Variants in CRTC3 observed in about 807,000 individuals in gnomAD.
CRTC3 encodes CREB regulated transcription coactivator 3, also known as CREB-regulated transcription coactivator 3.
A neutral mutation model predicts 74.5 loss-of-function variants in CRTC3; 26 were observed. The observed-to-expected ratio is 0.35, with a 90% CI of 0.26 to 0.48. CRTC3 has a LOEUF of 0.48. Among genes scored for constraint, CRTC3 ranks in the 20% least tolerant of loss-of-function variants. The probability of loss-of-function intolerance (pLI) is 0.99; values close to 1 mark genes in which losing one functional copy is unlikely to be tolerated. For synonymous variants in CRTC3, 377 were observed against 325.8 expected, an observed-to-expected ratio of 1.16 and a Z score of -1.69; for missense variants, 760 against 787.3, an observed-to-expected ratio of 0.97 and a Z score of 0.41.
intron 14 of CRTC3, among the ~76,000 whole-genome samples, chr15:90,641,473 G>A (rs1291063980): frequency 2.6e-5 from 4 of 151,936 alleles, no homozygotes; most frequent in South Asian, 2.1e-4. Context: ...CGAGGTGGGC[G>A]GATCATCAGG....
intron 2 of CRTC3, among the ~76,000 whole-genome samples, chr15:90,547,213 C>T (rs1290381861): frequency 1.3e-5 from 2 of 152,162 alleles, no homozygotes; most frequent in East Asian, 3.8e-4. Context: ...TATGCATCCT[C>T]TCACATCATT....
At chr15:90,608,803 G>A (rs1454584082) in intron 6 of CRTC3, among the ~76,000 whole-genome samples, 5 of 152,198 alleles carry the variant, frequency 3.3e-5, no homozygotes, top group Non-Finnish European at 5.9e-5. Context: ...ACACCCTCTC[G>A]GTGCTGGCAC....
At chr15:90,635,076 T>A in intron 11 of CRTC3, 1 of 776,442 alleles carries the variant, frequency 1.3e-6, no homozygotes, top group Non-Finnish European at 2.3e-6. Context: ...AGCTGCCCAT[T>A]CCACTGAAGT....
At chr15:90,605,718 A>C (rs879636426) in intron 5 of CRTC3, among the ~76,000 whole-genome samples, 3 of 152,168 alleles carry the variant, frequency 2.0e-5, no homozygotes, top group Admixed American at 1.3e-4. Context: ...CTCTGAAGCC[A>C]CGTGGCTTCA....
chr15:90,624,842 C>T (rs1207938031), intron 9 of CRTC3: 2 of 152,820 alleles, frequency 1.3e-5, no homozygotes, highest in Non-Finnish European at 2.9e-5. Context: ...AGTGTATACG[C>T]ACTAGGCCTG....
intron 2 of CRTC3, among the ~76,000 whole-genome samples, chr15:90,577,268 G>A (rs1004465846): frequency 6.6e-6 from 1 of 152,202 alleles, no homozygotes; most frequent in African/African-American, 2.4e-5. Context: ...GCTAATAGAG[G>A]AGAGGAGGAA....
At chr15:90,579,004 C>T (rs1169530438) in intron 2 of CRTC3, among the ~76,000 whole-genome samples, 1 of 152,074 alleles carries the variant, frequency 6.6e-6, no homozygotes. Flanking sequence ...CCTCCATTAT[C>T]TCATTATCTG....
chr15:90,611,409 G>A (rs1968353604), intron 6 of CRTC3, among the ~76,000 whole-genome samples: 1 of 152,160 alleles, frequency 6.6e-6, no homozygotes. Context: ...ATCCCTGTGG[G>A]ACTGATAAAA....
At chr15:90,589,820 C>G (rs1232351148) in intron 2 of CRTC3, among the ~76,000 whole-genome samples, 1 of 152,006 alleles carries the variant, frequency 6.6e-6, no homozygotes, top group African/African-American at 2.4e-5. Context: ...AACCCAGTCT[C>G]TACTAAAAAT....
chr15:90,628,999 C>T (rs1968938491), intron 10 of CRTC3, among the ~76,000 whole-genome samples: 1 of 152,148 alleles, frequency 6.6e-6, no homozygotes, highest in Non-Finnish European at 1.5e-5. Flanking sequence ...GACGTGATCT[C>T]CCTCCTCATG....
At chr15:90,577,143 A>G (rs948684424) in intron 2 of CRTC3, among the ~76,000 whole-genome samples, 2 of 152,132 alleles carry the variant, frequency 1.3e-5, no homozygotes, top group Non-Finnish European at 2.9e-5. Context: ...GGCACATCCC[A>G]GCGGCAGTTA....
chr15:90,623,875 A>G (rs1287739953), intron 9 of CRTC3, among the ~76,000 whole-genome samples: 1 of 151,964 alleles, frequency 6.6e-6, no homozygotes, highest in Non-Finnish European at 1.5e-5. Flanking sequence ...AGGGCACACC[A>G]TGTGGTCTCA....
At chr15:90,535,903 C>G (rs532932335) in intron 1 of CRTC3, among the ~76,000 whole-genome samples, 1 of 152,266 alleles carries the variant, frequency 6.6e-6, no homozygotes, top group South Asian at 2.1e-4. Flanking sequence ...GGTTGCAGAG[C>G]TGGTAAGTGG....
At chr15:90,545,936 A>G (rs1210459590) in intron 2 of CRTC3, among the ~76,000 whole-genome samples, 1 of 152,132 alleles carries the variant, frequency 6.6e-6, no homozygotes, top group Non-Finnish European at 1.5e-5. Flanking sequence ...AGTTGTTTAT[A>G]TATTCTGGAT....
chr15:90,603,294 G>C (rs529761700), intron 4 of CRTC3, among the ~76,000 whole-genome samples: 29 of 148,446 alleles, frequency 2.0e-4, no homozygotes, highest in South Asian at 4.4e-4. Flanking sequence ...ATACAAAAAA[G>C]TAGCCGGGCG....
intron 2 of CRTC3, among the ~76,000 whole-genome samples, chr15:90,580,603 T>A (rs988915544): frequency 4.6e-5 from 7 of 152,048 alleles, no homozygotes; most frequent in African/African-American, 1.7e-4. Flanking sequence ...CTAATTTTTA[T>A]ATTTTTAGTA....
intron 6 of CRTC3, among the ~76,000 whole-genome samples, chr15:90,609,474 C>G (rs548281489): frequency 6.6e-6 from 1 of 152,298 alleles, no homozygotes; most frequent in East Asian, 1.9e-4. Flanking sequence ...CGGGAGCCAG[C>G]TAGACAGACA....
intron 11 of CRTC3, among the ~76,000 whole-genome samples, chr15:90,633,068 C>G (rs1465659843): frequency 2.0e-5 from 3 of 151,952 alleles, no homozygotes; most frequent in Non-Finnish European, 4.4e-5. Flanking sequence ...CCTACCCACC[C>G]TCCTCATTTA....
In CRTC3 at chr15:90,638,448, G is replaced by T; in HGVS notation, c.1269G>T (p.Met423Ile). 1 of 1,613,862 alleles carries T rather than the reference G, an allele frequency of 6.2e-7. No homozygotes were observed. Among genetic ancestry groups the T allele is most frequent in the South Asian group, 1.1e-5 (1 of 91,058 alleles). The change falls in exon 12 of 15, where the codon ATG becomes ATT. Residue 423 changes from methionine (M) to isoleucine (I), a missense_variant and splice_region_variant. Around this residue, in one of 2 missense-constraint regions of CRTC3, gnomAD observed 652 missense variants for 635.2 expected, o/e 1.03. Transcript: ENST00000268184. The part of the protein sequence containing the change: ...SPLAPYPTSQ[M>I]VSSDRSQLSF... ...GGCTTTGTGTGTTTGTTTTGCAGAT[G>T]GTGTCCTCAGACCGAAGCCAACTTT...
Sources: allele counts gnomAD v4.1 joint callset (sites outside exome capture counted in the v4.1 genomes callset), GRCh38; gene constraint gnomAD v4.1.1; regional missense constraint gnomAD v4.1.1; transcripts MANE v1.5; gene names NCBI Gene and HGNC (gene_info 2026-07-23, HGNC 2026-07-21).